RALYL: variants seen among roughly 807,000 people sequenced by gnomAD.
RALYL encodes the protein RNA-binding Raly-like protein.
A neutral mutation model predicts 35.1 loss-of-function variants in RALYL; 29 were observed. The observed-to-expected ratio is 0.83, with a 90% CI of 0.61 to 1.13. The LOEUF is 1.13. RALYL is among the 50% of genes most tolerant of loss of function. RALYL has a pLI of 0.00. For missense variants in RALYL, 359 were observed against 360.4 expected, an observed-to-expected ratio of 1.00 and a Z score of 0.03; for synonymous variants, 120 against 127.6, an observed-to-expected ratio of 0.94 and a Z score of 0.40.
At chr8:84,837,763 T>A (rs1832315694) in intron 4 of RALYL, among the ~76,000 whole-genome samples, 1 of 152,110 alleles carries the variant, frequency 6.6e-6, no homozygotes, top group Admixed American at 6.6e-5. Flanking sequence ...CACTGAGAAG[T>A]AGGATAAAAT....
At position 84,695,036 on chromosome 8, in the gene RALYL, G is replaced by A. The variant is rs901494652; in HGVS notation, c.257-79543G>A. ...TATGAAAATATGAAGTATAATTAACGTCAGATATTAACAAATATCAAGAAG... is the reference window on the plus strand; with the variant it reads ...TATGAAAATATGAAGTATAATTAACATCAGATATTAACAAATATCAAGAAG... On this transcript the variant is annotated intron_variant, in intron 2 of 8. Transcript: ENST00000521268. Among the ~76,000 whole-genome samples, 15 of 151,690 alleles carry A rather than the reference G, an allele frequency of 9.9e-5. No individual in the cohort carries two copies. In the East Asian group the frequency reaches 1.4e-3, roughly 14 times the overall value.
At position 84,866,753 on chromosome 8, in the gene RALYL, G is replaced by T. The variant is rs373103940; in HGVS notation, c.571+4300G>T. 6.6e-5 allele frequency among the ~76,000 whole-genome samples: 10 copies of T among 151,854 alleles called. No homozygotes were observed. The East Asian group carries it at 7.7e-4, about 12-fold the overall frequency. ...AATAACTATTATTATCTGAAGTGAA[G>T]ATTTACTGCTAGGAATGTCAGTTAA... On this transcript the variant is annotated intron_variant, in intron 6 of 8. Transcript: ENST00000521268.
At chr8:84,671,047 T>C (rs181372911) in intron 2 of RALYL, among the ~76,000 whole-genome samples, 43 of 152,288 alleles carry the variant, frequency 2.8e-4, no homozygotes, top group East Asian at 2.3e-3. Flanking sequence ...GGTACAGGCA[T>C]TGGGTAAATA....
chr8:84,701,618 T>G (rs2132317218), intron 2 of RALYL, among the ~76,000 whole-genome samples: 1 of 152,252 alleles, frequency 6.6e-6, no homozygotes, highest in Admixed American at 6.5e-5. Flanking sequence ...GGGTTTCATT[T>G]GGAGGAAAGG....
chr8:84,217,563 G>A (rs917267694), intron 1 of RALYL, among the ~76,000 whole-genome samples: 5 of 151,918 alleles, frequency 3.3e-5, no homozygotes, highest in Admixed American at 6.6e-5. Flanking sequence ...TACACAGAAA[G>A]GAAAATAATT....
intron 2 of RALYL, among the ~76,000 whole-genome samples, chr8:84,577,946 G>T (rs1475868705): frequency 6.6e-6 from 1 of 152,144 alleles, no homozygotes; most frequent in African/African-American, 2.4e-5. Context: ...GGAAACTTAG[G>T]GTATTGCTTT....
intron 1 of RALYL, among the ~76,000 whole-genome samples, chr8:84,447,381 C>T (rs2048965991): frequency 6.6e-6 from 1 of 151,934 alleles, no homozygotes; most frequent in Admixed American, 6.6e-5. Flanking sequence ...TGGGTGATAC[C>T]TAAATGCGTG....
chr8:84,741,761 A>G (rs1807374317), intron 2 of RALYL, among the ~76,000 whole-genome samples: 1 of 152,044 alleles, frequency 6.6e-6, no homozygotes, highest in African/African-American at 2.4e-5. Context: ...TCAAAAGAAA[A>G]AGAATTTGCT....
chr8:84,823,792 C>T (rs1321496638), intron 4 of RALYL, among the ~76,000 whole-genome samples: 1 of 151,636 alleles, frequency 6.6e-6, no homozygotes, highest in Non-Finnish European at 1.5e-5. Context: ...CTCTCTATTC[C>T]TCCTTCTTTC....
At chr8:84,379,943 ATAGT>A (rs1205766937) in intron 1 of RALYL, among the ~76,000 whole-genome samples, 3 of 151,788 alleles carry the variant, frequency 2.0e-5, no homozygotes, top group Admixed American at 2.0e-4. Context: ...AAACATCATA[ATAGT>A]TAGACTATTA....
At chr8:84,441,542 CA>C (rs1430989134) in intron 1 of RALYL, among the ~76,000 whole-genome samples, 1 of 152,010 alleles carries the variant, frequency 6.6e-6, no homozygotes, top group Non-Finnish European at 1.5e-5. Context: ...GAGCTAGCTA[CA>C]AAAATGTTTA....
chr8:84,845,235 T>C lies in RALYL; in HGVS notation c.366-4745T>C, dbSNP rs147427970. 5.9e-5 allele frequency among the ~76,000 whole-genome samples: 9 copies of C among 152,342 alleles called. No individual in the cohort carries two copies. In the East Asian group the frequency reaches 1.7e-3, roughly 29 times the overall value. The stretch of plus-strand genomic sequence containing the variant: ...TGAAAATGATTGTCCCCTCAATCAA[T>C]AGCAATTGAATGCATCAAATATGTC... On this transcript the variant is annotated intron_variant, in intron 4 of 8. Coordinates refer to ENST00000521268, the MANE Select transcript of RALYL (RefSeq NM_173848.7).
chr8:84,653,865 C>A (rs1410297039), intron 2 of RALYL, among the ~76,000 whole-genome samples: 1 of 151,178 alleles, frequency 6.6e-6, no homozygotes, highest in Admixed American at 6.6e-5. Flanking sequence ...TCTTAATATT[C>A]TCTAATATAA....
intron 1 of RALYL, among the ~76,000 whole-genome samples, chr8:84,372,855 T>G (rs963441661): frequency 3.4e-5 from 5 of 147,678 alleles, no homozygotes; most frequent in Non-Finnish European, 1.5e-5. Context: ...GTGTAAGTGT[T>G]CCCTTTTTCT....
intron 4 of RALYL, among the ~76,000 whole-genome samples, chr8:84,807,429 G>A (rs1824909156): frequency 6.6e-6 from 1 of 152,174 alleles, no homozygotes; most frequent in African/African-American, 2.4e-5. Flanking sequence ...TTGGGCATTT[G>A]GGTTGGTTCT....
chr8:84,467,895 T>TA (rs2051971130), intron 1 of RALYL, among the ~76,000 whole-genome samples: 1 of 137,294 alleles, frequency 7.3e-6, no homozygotes. Flanking sequence ...TACCATTATG[T>TA]AATGGCCTTC....
chr8:84,426,438 C>CTCTGTGTGTG (rs1425109163), intron 1 of RALYL, among the ~76,000 whole-genome samples: 8 of 136,110 alleles, frequency 5.9e-5, no homozygotes, highest in Non-Finnish European at 9.4e-5. Context: ...CTCTCTCTCT[C>CTCTGTGTGTG]TGTGTGTGTG....
intron 8 of RALYL, among the ~76,000 whole-genome samples, chr8:84,892,142 G>C (rs991232257): frequency 2.6e-5 from 4 of 152,172 alleles, no homozygotes; most frequent in African/African-American, 9.7e-5. Context: ...TATACACTTA[G>C]TGAAAATGAT....
chr8:84,632,163 G>C (rs769927855), intron 2 of RALYL, among the ~76,000 whole-genome samples: 47 of 151,904 alleles, frequency 3.1e-4, no homozygotes, highest in Non-Finnish European at 4.7e-4. Context: ...TGCCGTCTAT[G>C]AACAAGAAGG....
Sources: allele counts gnomAD v4.1 joint callset (sites outside exome capture counted in the v4.1 genomes callset), GRCh38; gene constraint gnomAD v4.1.1; transcripts MANE v1.5; gene names NCBI Gene and HGNC (gene_info 2026-07-23, HGNC 2026-07-21).